Variants in FNBP1 observed in about 807,000 individuals in gnomAD.
FNBP1 encodes formin binding protein 1, also known as formin-binding protein 1.
In FNBP1, 26 loss-of-function variants were observed where a neutral mutation model predicts 90.6. The observed-to-expected ratio is 0.29, with a 90% CI of 0.21 to 0.40. FNBP1 has a LOEUF of 0.40. Ranked by LOEUF, FNBP1 falls within the 10% of genes least tolerant of loss-of-function variation. The pLI is 1.00. For missense variants in FNBP1, 635 were observed against 768.0 expected (o/e 0.83, Z 2.05); for synonymous variants, 260 against 265.2 (o/e 0.98, Z 0.19).
At chr9:129,979,270 A>G in intron 3 of FNBP1, 48 bp downstream of exon 3, 3 of 1,098,058 alleles carry the variant, frequency 2.7e-6, no homozygotes, top group South Asian at 1.3e-5. Flanking sequence ...GTGTGTAGTC[A>G]TCAATGGCAT....
intron 8 of FNBP1, 115 bp from the exon 9 acceptor site, chr9:129,925,272 A>G: frequency 1.3e-6 from 1 of 767,168 alleles, no homozygotes. Flanking sequence ...TCTGGGAGGC[A>G]GAGGCGGGTG....
At chr9:129,895,775 G>A (rs968897078) in intron 16 of FNBP1, 63 bp downstream of exon 16, 1 of 1,462,714 alleles carries the variant, frequency 6.8e-7, no homozygotes, top group Non-Finnish European at 9.0e-7. Flanking sequence ...TGGTTGTGGG[G>A]AGAAACAACT....
At chr9:130,003,860 C>T (rs527626218) in intron 1 of FNBP1, among the ~76,000 whole-genome samples, 281 of 136,480 alleles carry the variant, frequency 2.1e-3, no homozygotes, top group Non-Finnish European at 3.7e-3. Context: ...GGAGGCAGAG[C>T]TTGCAGTGAG....
chr9:129,890,268 G>A lies in FNBP1; in HGVS notation c.*271C>T. 2 of 527,586 alleles carry A rather than the reference G, an allele frequency of 3.8e-6. No individual in the cohort carries two copies. The highest frequency in any genetic ancestry group is 6.7e-6 in the Non-Finnish European group (2 of 297,354). 32.7% of individuals were successfully genotyped at this position (527,586 alleles called of 1,614,324 possible). Reference sequence around the variant, plus strand: ...TAGGGGCGTGTGTCCCACCGTCTCAGTGGCCTGCGCGGGGTGGGGAGGGGG... The same window carrying A: ...TAGGGGCGTGTGTCCCACCGTCTCAATGGCCTGCGCGGGGTGGGGAGGGGG... On this transcript the variant is annotated 3_prime_UTR_variant, in exon 17 of 17. Coordinates refer to ENST00000446176, the MANE Select transcript of FNBP1 (RefSeq NM_015033.3). The surrounding 1 kb of genome is among the most constrained non-coding windows in gnomAD (Gnocchi z 5.8).
intron 16 of FNBP1, among the ~76,000 whole-genome samples, chr9:129,892,366 G>GACACACACACACACACACACACAC (rs3138855): frequency 7.7e-5 from 8 of 103,480 alleles, no homozygotes; most frequent in African/African-American, 3.4e-4. Context: ...GCACATCGTA[G>GACACACACACACACACACACACAC]ACACACACAC....
intron 1 of FNBP1, among the ~76,000 whole-genome samples, chr9:130,026,619 C>T (rs866472332): frequency 6.6e-6 from 1 of 152,104 alleles, no homozygotes; most frequent in Non-Finnish European, 1.5e-5. Context: ...GGCTGATTTA[C>T]TGCCTCCAGA....
chr9:129,969,392 C>T (rs1420182669), intron 4 of FNBP1, among the ~76,000 whole-genome samples: 4 of 152,174 alleles, frequency 2.6e-5, no homozygotes, highest in South Asian at 2.1e-4. Flanking sequence ...TCTCAGCCCA[C>T]ACACAATGCA....
chr9:129,963,761 T>C (rs1969753), intron 4 of FNBP1, among the ~76,000 whole-genome samples: 150,206 of 151,696 alleles, frequency 0.99, 74,379 homozygotes, highest in East Asian at 1. Context: ...ACTACAGGCA[T>C]GCGCCACCAC....
chr9:129,993,813 C>T (rs184263461), intron 2 of FNBP1, among the ~76,000 whole-genome samples: 7 of 151,656 alleles, frequency 4.6e-5, no homozygotes, highest in Admixed American at 1.3e-4. Flanking sequence ...TTAGTAGAGG[C>T]GGGGTTTCAC....
chr9:130,008,359 C>G (rs1024554189), intron 1 of FNBP1, among the ~76,000 whole-genome samples: 1 of 151,776 alleles, frequency 6.6e-6, no homozygotes, highest in Non-Finnish European at 1.5e-5. Context: ...AAAAAACAAA[C>G]CGAAAAAACC....
At chr9:129,972,925 T>G (rs2049713008) in intron 4 of FNBP1, among the ~76,000 whole-genome samples, 1 of 152,234 alleles carries the variant, frequency 6.6e-6, no homozygotes, top group Non-Finnish European at 1.5e-5. Flanking sequence ...CATCTATTTA[T>G]CAGTATACTG....
chr9:129,912,653 G>C (rs893871034), intron 11 of FNBP1, among the ~76,000 whole-genome samples: 1 of 135,596 alleles, frequency 7.4e-6, no homozygotes, highest in Admixed American at 8.7e-5. Context: ...GCGCTACTGC[G>C]CACTCCAGCC....
intron 10 of FNBP1, among the ~76,000 whole-genome samples, chr9:129,916,399 C>T (rs184790212): frequency 6.6e-6 from 1 of 152,076 alleles, no homozygotes; most frequent in Non-Finnish European, 1.5e-5. Context: ...AGGTGGATCA[C>T]CTGAGGTCGG....
intron 1 of FNBP1, among the ~76,000 whole-genome samples, chr9:130,024,132 T>G (rs1279920090): frequency 6.6e-6 from 1 of 152,016 alleles, no homozygotes; most frequent in African/African-American, 2.4e-5. Context: ...TTGGCCAGGC[T>G]CAGTGGCTCA....
chr9:129,957,575 A>G lies in FNBP1; in HGVS notation c.409-111T>C. On this transcript the variant is annotated intron_variant, in intron 5 of 16. Coordinates refer to ENST00000446176, the MANE Select transcript of FNBP1 (RefSeq NM_015033.3). This position sits in a 1 kb window ranked among gnomAD's most constrained non-coding sequence, Gnocchi z 4.3. ...CTTTTTCTTTTTTTTTTCTTCAGTC[A>G]GGGTCTCACTTTGTCACCCAGGCTG... 1.2e-6 allele frequency: 1 copy of G among 844,578 alleles called. No homozygotes were observed. Among genetic ancestry groups the G allele is most frequent in the Non-Finnish European group, 1.8e-6 (1 of 556,700 alleles). The allele number at this position is 844,578 out of a possible 1,614,324, so 52.3% of individuals were successfully genotyped here. A position where few individuals can be genotyped will look rare whatever the true frequency, so the allele number is the denominator to read the frequency against.
the FNBP1 span, among the ~76,000 whole-genome samples, chr9:130,052,913 G>C: frequency 6.6e-6 from 1 of 151,758 alleles, no homozygotes; most frequent in Non-Finnish European, 1.5e-5. Context: ...TCAGGAGTTC[G>C]AGACCAGCCT....
intron 1 of FNBP1, among the ~76,000 whole-genome samples, chr9:130,005,909 A>G (rs1337233762): frequency 6.6e-6 from 1 of 152,174 alleles, no homozygotes. Context: ...AAAATCATAT[A>G]TTCATCTGCT....
At chr9:130,040,999 CTTTTCT>C (rs2059773232) in intron 1 of FNBP1, among the ~76,000 whole-genome samples, 2 of 137,468 alleles carry the variant, frequency 1.5e-5, no homozygotes, top group South Asian at 2.3e-4. Context: ...TTTCTTTTTT[CTTTTCT>C]TTTTTTTTTT....
chr9:130,018,553 G>GTATTTATTTATT (rs375132451), intron 1 of FNBP1, among the ~76,000 whole-genome samples: 61 of 151,540 alleles, frequency 4.0e-4, no homozygotes, highest in African/African-American at 1.5e-3. Flanking sequence ...ACTCATTTGG[G>GTATTTATTTATT]TATTTATTTA....
Sources: gnomAD v4.1 joint callset for allele counts (sites outside exome capture counted in the v4.1 genomes callset) on GRCh38, gnomAD v4.1.1 for gene constraint, Gnocchi (gnomAD v3.1) non-coding constraint, MANE v1.5 for transcripts, NCBI Gene and HGNC (gene_info 2026-07-23, HGNC 2026-07-21) for gene names.